The following FSIP1 variants were observed in gnomAD, a reference collection of about 807,000 sequenced individuals.
FSIP1 encodes the protein fibrous sheath interacting protein 1.
FSIP1 carries 65 observed loss-of-function variants against 60.9 expected under a neutral mutation model. The ratio of observed to expected loss-of-function variants is 1.07; its 90% CI spans 0.87 to 1.31. The LOEUF (loss-of-function observed/expected upper bound fraction) is 1.31. FSIP1 is among the 40% of genes most tolerant of loss of function. The pLI, the probability that FSIP1 is intolerant of heterozygous loss-of-function variation, is 0.00. For missense variants in FSIP1, 675 were observed against 665.5 expected, an observed-to-expected ratio of 1.01 and a Z score of -0.16; for synonymous variants, 209 against 221.2, an observed-to-expected ratio of 0.94 and a Z score of 0.49.
At chr15:39,768,277 G>A (rs528581650) in intron 3 of FSIP1, among the ~76,000 whole-genome samples, 1 of 152,294 alleles carries the variant, frequency 6.6e-6, no homozygotes, top group South Asian at 2.1e-4. Context: ...AGTGAGAGTT[G>A]ATCTCATCCC....
intron 10 of FSIP1, among the ~76,000 whole-genome samples, chr15:39,649,515 G>T (rs796328475): frequency 3.9e-5 from 6 of 152,276 alleles, no homozygotes; most frequent in African/African-American, 1.4e-4. Context: ...TATTTAAAAA[G>T]ATCTCTTGCT....
intron 10 of FSIP1, among the ~76,000 whole-genome samples, chr15:39,674,751 T>C (rs1444497623): frequency 6.6e-6 from 1 of 151,334 alleles, no homozygotes; most frequent in African/African-American, 2.4e-5. Flanking sequence ...GGAAAATATG[T>C]TTTAAGGACT....
chr15:39,689,492 C>T (rs1419598772), intron 10 of FSIP1, among the ~76,000 whole-genome samples: 1 of 152,062 alleles, frequency 6.6e-6, no homozygotes, highest in Non-Finnish European at 1.5e-5. Flanking sequence ...TAGGAGCCTC[C>T]AGTCACCAGT....
rs1452601046 is a variant in FSIP1, at chr15:39,691,534, CA to C, written c.1188+21909del. 2.6e-5 allele frequency among the ~76,000 whole-genome samples: 4 copies of C among 152,336 alleles called. No homozygotes were observed. In the East Asian group the frequency reaches 7.7e-4, roughly 29 times the overall value. ...GCAGTCGTCCTGCCTGAAACTAAGG[CA>C]GAATGTTCTTCTTCAAGAAGTTAGG... On this transcript the variant is annotated intron_variant, in intron 10 of 11. Transcript: ENST00000350221.
intron 10 of FSIP1, among the ~76,000 whole-genome samples, chr15:39,699,716 T>C (rs115453400): frequency 0.012 from 1,840 of 152,306 alleles, 41 homozygotes; most frequent in African/African-American, 0.042. Flanking sequence ...AGTTTCTTCC[T>C]GAGTCATCTG....
At chr15:39,733,067 G>GTC (rs1005706963) in intron 8 of FSIP1, among the ~76,000 whole-genome samples, 5 of 151,962 alleles carry the variant, frequency 3.3e-5, no homozygotes, top group African/African-American at 1.2e-4. Flanking sequence ...TTTGAGACGA[G>GTC]TCTCTCTCTG....
At chr15:39,706,933 A>T (rs1421828485) in intron 10 of FSIP1, among the ~76,000 whole-genome samples, 1 of 152,218 alleles carries the variant, frequency 6.6e-6, no homozygotes, top group Non-Finnish European at 1.5e-5. Context: ...TTCTTTTGAT[A>T]GGCAGATGGT....
At chr15:39,696,148 AAG>A (rs1302012419) in intron 10 of FSIP1, among the ~76,000 whole-genome samples, 1 of 152,222 alleles carries the variant, frequency 6.6e-6, no homozygotes, top group Non-Finnish European at 1.5e-5. Context: ...ATATGAAAAT[AAG>A]AGAGAAAAAT....
intron 10 of FSIP1, among the ~76,000 whole-genome samples, chr15:39,650,597 T>C (rs976792050): frequency 3.3e-5 from 5 of 152,170 alleles, no homozygotes; most frequent in Non-Finnish European, 7.3e-5. Context: ...CAGGTTGAAA[T>C]GGCAAAAAGA....
At chr15:39,781,607 G>GTA (rs934672615) in intron 1 of FSIP1, among the ~76,000 whole-genome samples, 8 of 152,158 alleles carry the variant, frequency 5.3e-5, no homozygotes. Context: ...ATATACTACC[G>GTA]TAGATCCATA....
intron 5 of FSIP1, among the ~76,000 whole-genome samples, chr15:39,758,853 T>A (rs1897388487): frequency 6.6e-6 from 1 of 151,974 alleles, no homozygotes; most frequent in Non-Finnish European, 1.5e-5. Flanking sequence ...GAAATTTTAA[T>A]GGAATAAAAT....
At chr15:39,641,482 T>A (rs959972155) in intron 10 of FSIP1, among the ~76,000 whole-genome samples, 1 of 152,234 alleles carries the variant, frequency 6.6e-6, no homozygotes, top group Non-Finnish European at 1.5e-5. Context: ...AAAAAAATCC[T>A]CGAAACTGTT....
At chr15:39,628,402 T>C (rs1172807555) in intron 10 of FSIP1, among the ~76,000 whole-genome samples, 1 of 152,018 alleles carries the variant, frequency 6.6e-6, no homozygotes, top group Non-Finnish European at 1.5e-5. Context: ...TGCGAAGACG[T>C]AGGAGGCCTG....
intron 2 of FSIP1, among the ~76,000 whole-genome samples, chr15:39,775,297 A>G (rs1006355335): frequency 6.6e-6 from 1 of 152,080 alleles, no homozygotes; most frequent in African/African-American, 2.4e-5. Flanking sequence ...CCACATCATG[A>G]CAGACAGAAT....
At chr15:39,742,107 T>G (rs546990544) in intron 5 of FSIP1, among the ~76,000 whole-genome samples, 1 of 152,148 alleles carries the variant, frequency 6.6e-6, no homozygotes, top group Non-Finnish European at 1.5e-5. Context: ...TGAAACAAAC[T>G]ACAGAAGCTA....
chr15:39,611,775 C>T (rs959056266), intron 11 of FSIP1, among the ~76,000 whole-genome samples: 6 of 152,134 alleles, frequency 3.9e-5, no homozygotes, highest in Admixed American at 3.9e-4. Flanking sequence ...CTGTGAGAGA[C>T]TCACTTTACT....
rs1192275438 is a variant in FSIP1 at position 39,777,076 on chromosome 15, G to A, written c.-7-545C>T. ...CAAGTAGCTGGGATTACAGGAGCCC[G>A]CCACCACGCCCAGCTAATTATAGTA... is the stretch of plus-strand genomic sequence containing the variant. On this transcript the variant is annotated intron_variant, in intron 1 of 11. Transcript: ENST00000350221. Among the ~76,000 whole-genome samples, 24 of 151,664 alleles carry A rather than the reference G, an allele frequency of 1.6e-4. 1 individual carries two copies. Among genetic ancestry groups the A allele is most frequent in the African/African-American group, 5.6e-4 (23 of 41,242 alleles).
At chr15:39,663,704 C>T (rs1023062594) in intron 10 of FSIP1, among the ~76,000 whole-genome samples, 8 of 151,970 alleles carry the variant, frequency 5.3e-5, no homozygotes, top group African/African-American at 1.7e-4. Flanking sequence ...AGGTGTGAAA[C>T]AAAAGGGGTT....
intron 10 of FSIP1, among the ~76,000 whole-genome samples, chr15:39,711,010 G>A (rs756735428): frequency 3.9e-5 from 6 of 152,118 alleles, no homozygotes; most frequent in African/African-American, 7.2e-5. Context: ...AATGACATAC[G>A]ATTTCTTAAA....
Sources: gnomAD v4.1 joint callset for allele counts (sites outside exome capture counted in the v4.1 genomes callset) on GRCh38, gnomAD v4.1.1 for gene constraint, MANE v1.5 for transcripts, NCBI Gene and HGNC (gene_info 2026-07-23, HGNC 2026-07-21) for gene names.